The following KIF16B variants were observed in gnomAD, a reference collection of about 807,000 sequenced individuals.
KIF16B encodes kinesin-like protein KIF16B.
A neutral mutation model predicts 156.3 loss-of-function variants in KIF16B; 98 were observed. The observed-to-expected ratio is 0.63, with a 90% CI of 0.53 to 0.74. The LOEUF is 0.74. Ranked by LOEUF, KIF16B falls within the 30% of genes least tolerant of loss-of-function variation. The probability of loss-of-function intolerance (pLI) is 0.00; values close to 1 mark genes in which losing one functional copy is unlikely to be tolerated. For missense variants in KIF16B, 1,421 were observed against 1,606.5 expected, an observed-to-expected ratio of 0.88 and a Z score of 1.97; for synonymous variants, 564 against 583.7, an observed-to-expected ratio of 0.97 and a Z score of 0.49.
At chr20:16,347,794 T>G (rs939441470) in intron 23 of KIF16B, among the ~76,000 whole-genome samples, 1 of 152,238 alleles carries the variant, frequency 6.6e-6, no homozygotes, top group Non-Finnish European at 1.5e-5. Flanking sequence ...CTAATACACG[T>G]GCAGGGAGAT....
chr20:16,276,371 CA>C (rs1255873260), intron 25 of KIF16B, among the ~76,000 whole-genome samples: 2 of 152,214 alleles, frequency 1.3e-5, no homozygotes, highest in African/African-American at 2.4e-5. Context: ...ATACAACTGT[CA>C]GGTAATGTCT....
intron 10 of KIF16B, among the ~76,000 whole-genome samples, chr20:16,500,018 A>T (rs992106361): frequency 1.3e-5 from 2 of 152,182 alleles, no homozygotes; most frequent in African/African-American, 4.8e-5. Flanking sequence ...TCTACTAACA[A>T]CTTATACAAG....
Position 16,456,098 on chromosome 20 carries a change from A to AATACT in KIF16B, c.1303-26117_1303-26116insAGTAT, listed in dbSNP as rs1178482339. Among the ~76,000 whole-genome samples the AATACT allele has an allele frequency of 2.8e-3, 221 of 78,486 alleles. 2 individuals carry two copies. The East Asian group carries it at 0.077, about 27-fold the overall frequency. The allele number at this position is 78,486 out of a possible 152,430, so 51.5% of individuals were successfully genotyped here. ...TAAAAGGAATTCTTCTACTGGAGCCAATACAATACAATACAATACAATACA... is the reference window on the plus strand; with the variant it reads ...TAAAAGGAATTCTTCTACTGGAGCCAATACTATACAATACAATACAATACAATACA... On this transcript the variant is annotated intron_variant, in intron 12 of 25. Coordinates refer to ENST00000354981, the MANE Select transcript of KIF16B (RefSeq NM_024704.5).
At chr20:16,366,144 C>T (rs1157838940) in intron 22 of KIF16B, among the ~76,000 whole-genome samples, 2 of 152,150 alleles carry the variant, frequency 1.3e-5, no homozygotes, top group Middle Eastern at 3.4e-3. Flanking sequence ...CAGCCTCTTA[C>T]CTAGGAGGAG....
chr20:16,489,767 C>T (rs922019760), intron 12 of KIF16B, among the ~76,000 whole-genome samples: 2 of 151,508 alleles, frequency 1.3e-5, no homozygotes, highest in African/African-American at 4.9e-5. Context: ...TTATAAAATA[C>T]GGATTCTGAT....
chr20:16,448,166 C>T (rs1454262199), intron 12 of KIF16B, among the ~76,000 whole-genome samples: 1 of 152,186 alleles, frequency 6.6e-6, no homozygotes, highest in African/African-American at 2.4e-5. Context: ...GTCATCATCA[C>T]AGCCATCTCC....
At chr20:16,334,263 T>C (rs934223239) in intron 24 of KIF16B, among the ~76,000 whole-genome samples, 4 of 152,224 alleles carry the variant, frequency 2.6e-5, no homozygotes, top group Non-Finnish European at 4.4e-5. Flanking sequence ...GTTATTAAAA[T>C]ACTGATGTAG....
At chr20:16,354,420 A>G (rs2064396227) in intron 23 of KIF16B, among the ~76,000 whole-genome samples, 3 of 137,200 alleles carry the variant, frequency 2.2e-5, no homozygotes, top group Admixed American at 2.2e-4. Context: ...TGCAAACACA[A>G]CTTCCGAAAT....
At chr20:16,321,571 G>A (rs1379147727) in intron 24 of KIF16B, among the ~76,000 whole-genome samples, 1 of 151,992 alleles carries the variant, frequency 6.6e-6, no homozygotes, top group East Asian at 1.9e-4. Context: ...TCCCTACACA[G>A]CGTTAGAAGT....
intron 25 of KIF16B, among the ~76,000 whole-genome samples, chr20:16,298,669 AAGACCATC>A (rs1426586719): frequency 2.6e-5 from 4 of 152,280 alleles, no homozygotes; most frequent in African/African-American, 9.6e-5. Context: ...CCCTAAAAGA[AAGACCATC>A]AGACATCAAG....
chr20:16,545,448 T>A (rs928284329), intron 1 of KIF16B, among the ~76,000 whole-genome samples: 2 of 151,850 alleles, frequency 1.3e-5, no homozygotes, highest in South Asian at 4.2e-4. Flanking sequence ...GTGGATCACT[T>A]GAGGTCAGGA....
chr20:16,555,894 C>A (rs529658486), intron 1 of KIF16B, among the ~76,000 whole-genome samples: 15 of 152,328 alleles, frequency 9.8e-5, no homozygotes, highest in African/African-American at 3.6e-4. Flanking sequence ...TGGATTATTT[C>A]TACTGACTCA....
At chr20:16,562,336 A>G (rs926013611) in intron 1 of KIF16B, among the ~76,000 whole-genome samples, 1 of 151,912 alleles carries the variant, frequency 6.6e-6, no homozygotes, top group Admixed American at 6.6e-5. Context: ...CTTCATTGGG[A>G]GTGTAATATT....
chr20:16,350,735 CG>C (rs370781869), intron 23 of KIF16B, among the ~76,000 whole-genome samples: 16 of 140,140 alleles, frequency 1.1e-4, no homozygotes, highest in African/African-American at 3.9e-4. Context: ...TGGGTGGGGG[CG>C]GGGGGGAAGT....
intron 23 of KIF16B, among the ~76,000 whole-genome samples, chr20:16,336,998 T>C (rs914472467): frequency 6.6e-6 from 1 of 152,204 alleles, no homozygotes; most frequent in African/African-American, 2.4e-5. Flanking sequence ...ACAGATCTTT[T>C]AGAACTCAAA....
intron 15 of KIF16B, among the ~76,000 whole-genome samples, chr20:16,421,661 T>C (rs1174011614): frequency 6.6e-6 from 1 of 152,148 alleles, no homozygotes; most frequent in Non-Finnish European, 1.5e-5. Flanking sequence ...AAAAGAAAAG[T>C]TATCACCTTG....
intron 23 of KIF16B, among the ~76,000 whole-genome samples, chr20:16,355,720 T>A (rs1202809851): frequency 6.6e-6 from 1 of 152,122 alleles, no homozygotes; most frequent in Non-Finnish European, 1.5e-5. Context: ...TAGAAAACCA[T>A]GACGTAAGGA....
intron 12 of KIF16B, among the ~76,000 whole-genome samples, chr20:16,445,419 C>CGTGTGT (rs11467171): frequency 0.22 from 32,597 of 146,686 alleles, 3,699 homozygotes; most frequent in South Asian, 0.29. Flanking sequence ...CATGTATATA[C>CGTGTGT]GTGTGTGTGT....
At chr20:16,375,382 C>T (rs758521337) in intron 19 of KIF16B, among the ~76,000 whole-genome samples, 1 of 152,166 alleles carries the variant, frequency 6.6e-6, no homozygotes, top group Non-Finnish European at 1.5e-5. Flanking sequence ...TGCTGTCAAC[C>T]CTCTGGTGTC....
Sources: gnomAD v4.1 joint callset for allele counts (sites outside exome capture counted in the v4.1 genomes callset) on GRCh38, gnomAD v4.1.1 for gene constraint, MANE v1.5 for transcripts, NCBI Gene and HGNC (gene_info 2026-07-23, HGNC 2026-07-21) for gene names.